The following CR1L variants were observed in gnomAD, a reference collection of about 807,000 sequenced individuals.
CR1L encodes complement C3b/C4b receptor 1 like.
CR1L carries 59 observed loss-of-function variants against 62.3 expected under a neutral mutation model. That is an observed-to-expected ratio of 0.95 (90% CI 0.77 to 1.18). CR1L has a LOEUF of 1.18. Ranked by LOEUF, CR1L falls within the 50% of genes most tolerant of loss-of-function variation. The pLI, the probability that CR1L is intolerant of heterozygous loss-of-function variation, is 0.00. For synonymous variants in CR1L, 279 were observed against 248.7 expected, an observed-to-expected ratio of 1.12 and a Z score of -1.15; for missense variants, 700 against 702.8, an observed-to-expected ratio of 1.00 and a Z score of 0.04.
At chr1:207,708,049 A>G in intron 9 of CR1L, 129 bp from the exon 10 acceptor site, 1 of 1,097,330 alleles carries the variant, frequency 9.1e-7, no homozygotes, top group Non-Finnish European at 1.4e-6. Context: ...GCTGGGAACA[A>G]TAGGTAAAGT....
intron 9 of CR1L, among the ~76,000 whole-genome samples, chr1:207,702,807 G>C (rs906748272): frequency 2.0e-5 from 3 of 152,212 alleles, no homozygotes; most frequent in Non-Finnish European, 4.4e-5. Context: ...AAGCAGCTGG[G>C]CACTGTGGCT....
chr1:207,710,875 A>T (rs1664346321), intron 10 of CR1L: 1 of 1,270,786 alleles, frequency 7.9e-7, no homozygotes, highest in Non-Finnish European at 1.1e-6. Flanking sequence ...GGAGGGATGT[A>T]TGTTGAGGAG....
At chr1:207,656,239 AAATCAATCAATCAATCAATC>A (rs34072066) in intron 1 of CR1L, among the ~76,000 whole-genome samples, 1 of 151,604 alleles carries the variant, frequency 6.6e-6, no homozygotes, top group Non-Finnish European at 1.5e-5. Context: ...TTCCGTCTCA[AAATCAATCAATCAATCAATC>A]AATCAATCAC....
chr1:207,665,791 A>G (rs1383078694), intron 1 of CR1L, among the ~76,000 whole-genome samples: 2 of 152,234 alleles, frequency 1.3e-5, no homozygotes, highest in South Asian at 2.1e-4. Flanking sequence ...ATGGAAACCA[A>G]TGAAAAATAA....
At chr1:207,652,301 C>T (rs563018521) in intron 1 of CR1L, among the ~76,000 whole-genome samples, 139 of 152,332 alleles carry the variant, frequency 9.1e-4, no homozygotes, top group African/African-American at 3.2e-3. Flanking sequence ...TTAATGCTGT[C>T]TCTTCAGTTT....
At chr1:207,720,408 A>T (rs2102485524) in intron 11 of CR1L, among the ~76,000 whole-genome samples, 1 of 152,332 alleles carries the variant, frequency 6.6e-6, no homozygotes, top group East Asian at 1.9e-4. Context: ...AGGCCTTCCT[A>T]AAATGGAAGA....
chr1:207,712,648 G>A (rs1310440605), intron 10 of CR1L, among the ~76,000 whole-genome samples: 14 of 152,162 alleles, frequency 9.2e-5, no homozygotes, highest in African/African-American at 2.4e-4. Flanking sequence ...GAGGGGCTGC[G>A]TCTCTGCACT....
chr1:207,670,717 C>T (rs12563520), intron 1 of CR1L, among the ~76,000 whole-genome samples: 59,176 of 150,598 alleles, frequency 0.39, 12,610 homozygotes, highest in African/African-American at 0.43. Flanking sequence ...TATTTGATCT[C>T]CTTAGGCACC....
chr1:207,656,994 T>C, intron 1 of CR1L: 1 of 520,564 alleles, frequency 1.9e-6, no homozygotes. Flanking sequence ...AAACCTTCTT[T>C]TAAATCCATA....
intron 3 of CR1L, among the ~76,000 whole-genome samples, chr1:207,678,681 G>T (rs1046022853): frequency 6.6e-6 from 1 of 152,206 alleles, no homozygotes; most frequent in Non-Finnish European, 1.5e-5. Flanking sequence ...CAAATAGTTT[G>T]CTAGGGCTGC....
At chr1:207,704,559 G>A (rs991933256) in intron 9 of CR1L, among the ~76,000 whole-genome samples, 2 of 152,178 alleles carry the variant, frequency 1.3e-5, no homozygotes, top group Non-Finnish European at 2.9e-5. Context: ...GAGTCAATGT[G>A]GCCAGTTTTA....
At chr1:207,699,946 C>G (rs764906227) in intron 8 of CR1L, among the ~76,000 whole-genome samples, 4 of 152,092 alleles carry the variant, frequency 2.6e-5, no homozygotes, top group Non-Finnish European at 4.4e-5. Flanking sequence ...TAACATTAGA[C>G]AGGGTGAGCA....
intron 10 of CR1L, 52 bp from the exon 11 acceptor site, chr1:207,717,412 T>C (rs957854475): frequency 1.5e-5 from 23 of 1,571,498 alleles, no homozygotes; most frequent in Admixed American, 1.8e-5. Context: ...AATATTTCAG[T>C]CATCTTAAGT....
intron 1 of CR1L, among the ~76,000 whole-genome samples, chr1:207,653,539 A>G (rs1245661561): frequency 6.6e-6 from 1 of 152,238 alleles, no homozygotes; most frequent in South Asian, 2.1e-4. Context: ...AGAATTGCCA[A>G]CTAAAAATAT....
At chr1:207,665,256 A>G (rs1030280394) in intron 1 of CR1L, among the ~76,000 whole-genome samples, 2 of 151,478 alleles carry the variant, frequency 1.3e-5, no homozygotes, top group Admixed American at 6.6e-5. Flanking sequence ...GAGTTTCACC[A>G]TGTTAGCCAG....
In CR1L at chr1:207,707,634, C is replaced by A. The variant is rs544759463; in HGVS notation, c.1329-544C>A. 6.0e-3 allele frequency among the ~76,000 whole-genome samples: 917 copies of A among 152,186 alleles called. 4 individuals are homozygous for A. Among genetic ancestry groups the A allele is most frequent in the Middle Eastern group, 0.017 (5 of 294 alleles). ...CAGAGCCAGACTCCGTCTAAAAAAA[C>A]AAACAAACAAACAAAGCAAATCAAA... On this transcript the variant is annotated intron_variant, in intron 9 of 11. Coordinates refer to ENST00000508064, the MANE Select transcript of CR1L (RefSeq NM_175710.2).
At chr1:207,662,146 A>G (rs1002551744) in intron 1 of CR1L, among the ~76,000 whole-genome samples, 1 of 151,962 alleles carries the variant, frequency 6.6e-6, no homozygotes. Flanking sequence ...CTTCTTGAGG[A>G]GTATCTTTGT....
At position 207,693,187 on chromosome 1, in the gene CR1L, G is replaced by A. The variant is rs559557815; in HGVS notation, c.464-1166G>A. Among the ~76,000 whole-genome samples, 5 of 152,220 alleles carry A rather than the reference G, an allele frequency of 3.3e-5. No individual in the cohort carries two copies. The South Asian group carries it at 1.0e-3, about 32-fold the overall frequency. ...AACTGGAGTGCAGTGGCGCGATCTC[G>A]GCTGACTGCAATCTCCACCTCCCAG... On this transcript the variant is annotated intron_variant, in intron 4 of 11. Transcript: ENST00000508064.
In CR1L at chr1:207,697,534, T is replaced by G. The variant is rs199558692; in HGVS notation, c.894T>G (p.Ala298=). The G allele has an allele frequency of 2.2e-5, 35 of 1,613,784 alleles. No homozygotes were observed. Among genetic ancestry groups the G allele is most frequent in the Non-Finnish European group, 2.9e-5 (34 of 1,179,720 alleles). Residue 298 remains alanine (A), a synonymous_variant, in exon 6 of 12, where the codon GCT becomes GCG. Coordinates refer to ENST00000508064, the MANE Select transcript of CR1L (RefSeq NM_175710.2). ...AGCCACCTCCAGATGTCCTGCATGC[T>G]GAGCGTACCCAAAGGGACAAGGACA... The part of the protein sequence containing the change: ...VCQPPPDVLH[A]ERTQRDKDNF...
Sources: gnomAD v4.1 joint callset for allele counts (sites outside exome capture counted in the v4.1 genomes callset) on GRCh38, gnomAD v4.1.1 for gene constraint, MANE v1.5 for transcripts, NCBI Gene and HGNC (gene_info 2026-07-23, HGNC 2026-07-21) for gene names.